RBFOX1: variants seen among roughly 807,000 people sequenced by gnomAD.
The protein encoded by RBFOX1 is RNA binding protein fox-1 homolog 1.
In RBFOX1, 8 loss-of-function variants were observed where a neutral mutation model predicts 57.7. The ratio of observed to expected loss-of-function variants is 0.14; its 90% CI spans 0.08 to 0.25. The LOEUF is 0.25. RBFOX1 is among the 10% of genes least tolerant of loss of function. The pLI, the probability that RBFOX1 is intolerant of heterozygous loss-of-function variation, is 1.00. For missense variants in RBFOX1, 611 were observed against 548.5 expected, an observed-to-expected ratio of 1.11 and a Z score of -1.14; for synonymous variants, 326 against 222.4, an observed-to-expected ratio of 1.47 and a Z score of -4.15.
chr16:5,717,042 C>G (rs1020991574), intron 3 of RBFOX1, among the ~76,000 whole-genome samples: 1 of 152,084 alleles, frequency 6.6e-6, no homozygotes, highest in Non-Finnish European at 1.5e-5. Context: ...CAGTGATTTC[C>G]CCTGTATTTT....
intron 2 of RBFOX1, among the ~76,000 whole-genome samples, chr16:6,651,582 A>T (rs1424779320): frequency 6.6e-6 from 1 of 152,320 alleles, no homozygotes; most frequent in Admixed American, 6.5e-5. Flanking sequence ...ATGTGGACAG[A>T]TTGGAACACT....
intron 3 of RBFOX1, among the ~76,000 whole-genome samples, chr16:5,619,383 A>G (rs759846305): frequency 1.3e-5 from 2 of 152,132 alleles, no homozygotes; most frequent in Non-Finnish European, 2.9e-5. Flanking sequence ...CAGGCTCTGC[A>G]GGGAGGCCCA....
intron 3 of RBFOX1, among the ~76,000 whole-genome samples, chr16:6,663,734 A>G (rs1356814931): frequency 6.6e-6 from 1 of 152,238 alleles, no homozygotes; most frequent in Admixed American, 6.5e-5. Flanking sequence ...AAGCTCCAAA[A>G]TTCCTGGAAT....
At chr16:6,786,269 G>A (rs577212748) in intron 3 of RBFOX1, among the ~76,000 whole-genome samples, 2 of 152,224 alleles carry the variant, frequency 1.3e-5, no homozygotes, top group East Asian at 3.9e-4. Context: ...CAGGAGACGG[G>A]GCTTTTTGGC....
At chr16:5,942,574 G>C (rs74793488) in intron 4 of RBFOX1, among the ~76,000 whole-genome samples, 4,039 of 152,278 alleles carry the variant, frequency 0.027, 182 homozygotes, top group African/African-American at 0.091. Flanking sequence ...CCTCTTAGCA[G>C]GATTCAAGTC....
intron 5 of RBFOX1, among the ~76,000 whole-genome samples, chr16:7,561,376 A>G (rs1507031): frequency 0.54 from 82,743 of 152,136 alleles, 22,950 homozygotes; most frequent in African/African-American, 0.58. Context: ...ACAAGTAGAA[A>G]GGAGATGCAG....
chr16:6,926,802 T>C (rs1049169854), intron 3 of RBFOX1, among the ~76,000 whole-genome samples: 41 of 152,210 alleles, frequency 2.7e-4, no homozygotes, highest in Admixed American at 6.5e-4. Flanking sequence ...CTTAAAATTA[T>C]CGTTTTGATC....
chr16:7,137,040 A>G (rs1439176656), intron 4 of RBFOX1, among the ~76,000 whole-genome samples: 2 of 152,334 alleles, frequency 1.3e-5, no homozygotes, highest in African/African-American at 2.4e-5. Flanking sequence ...CTAAGTTCCT[A>G]TTTGTATCAC....
chr16:5,731,634 G>T (rs1297104949), intron 3 of RBFOX1, among the ~76,000 whole-genome samples: 3 of 152,188 alleles, frequency 2.0e-5, no homozygotes, highest in African/African-American at 7.2e-5. Context: ...TTAGAGGCAA[G>T]GTGATATTTT....
intron 2 of RBFOX1, among the ~76,000 whole-genome samples, chr16:6,645,965 G>A (rs909433259): frequency 2.0e-5 from 3 of 152,100 alleles, no homozygotes; most frequent in Admixed American, 6.6e-5. Flanking sequence ...CTATCTGTGT[G>A]GAATCCCATC....
chr16:7,036,376 A>T (rs141596738), intron 3 of RBFOX1, among the ~76,000 whole-genome samples: 3 of 152,110 alleles, frequency 2.0e-5, no homozygotes, highest in Admixed American at 1.3e-4. Context: ...AGGGGTCCCA[A>T]TGCAGATCCC....
intron 3 of RBFOX1, among the ~76,000 whole-genome samples, chr16:6,989,966 A>C (rs572612489): frequency 1.4e-4 from 22 of 152,190 alleles, no homozygotes; most frequent in African/African-American, 4.6e-4. Flanking sequence ...GCACCACCGC[A>C]CTCCAGCCTG....
intron 1 of RBFOX1, among the ~76,000 whole-genome samples, chr16:6,061,973 G>C (rs1285042149): frequency 6.6e-6 from 1 of 152,154 alleles, no homozygotes; most frequent in Admixed American, 6.5e-5. Flanking sequence ...TGAAGGACTG[G>C]TTAGGATTCC....
chr16:6,022,641 C>T (rs981080879), intron 1 of RBFOX1, among the ~76,000 whole-genome samples: 1 of 152,160 alleles, frequency 6.6e-6, no homozygotes, highest in African/African-American at 2.4e-5. Context: ...CGATATCACG[C>T]CACTGCACTC....
At chr16:7,441,789 A>G (rs935552981) in intron 4 of RBFOX1, among the ~76,000 whole-genome samples, 1 of 152,166 alleles carries the variant, frequency 6.6e-6, no homozygotes, top group Non-Finnish European at 1.5e-5. Context: ...TTCCACTCCC[A>G]GGTCAACACA....
At chr16:6,449,612 G>A (rs1179235624) in intron 2 of RBFOX1, among the ~76,000 whole-genome samples, 2 of 152,244 alleles carry the variant, frequency 1.3e-5, no homozygotes, top group Non-Finnish European at 2.9e-5. Context: ...GGATGTGGAA[G>A]GAGTGGTATC....
chr16:5,915,351 C>G (rs979405232), intron 4 of RBFOX1, among the ~76,000 whole-genome samples: 13 of 152,174 alleles, frequency 8.5e-5, no homozygotes, highest in African/African-American at 2.7e-4. Flanking sequence ...TATTTTGAGA[C>G]TCTAGAGAGG....
At chr16:6,962,433 T>C (rs2083222326) in intron 3 of RBFOX1, among the ~76,000 whole-genome samples, 1 of 152,182 alleles carries the variant, frequency 6.6e-6, no homozygotes, top group Non-Finnish European at 1.5e-5. Context: ...GTGCAACTTT[T>C]TCTGTTACAT....
intron 4 of RBFOX1, among the ~76,000 whole-genome samples, chr16:7,388,713 G>T (rs1233503035): frequency 1.5e-5 from 2 of 129,210 alleles, no homozygotes; most frequent in South Asian, 5.2e-4. Flanking sequence ...TTCACATTTG[G>T]TATGGTATTC....
Sources: allele counts gnomAD v4.1 joint callset (sites outside exome capture counted in the v4.1 genomes callset), GRCh38; gene constraint gnomAD v4.1.1; transcripts MANE v1.5; gene names NCBI Gene and HGNC (gene_info 2026-07-23, HGNC 2026-07-21).